Variants in ALOX5AP observed in about 807,000 individuals in gnomAD.
ALOX5AP encodes the protein arachidonate 5-lipoxygenase activating protein.
ALOX5AP carries 9 observed loss-of-function variants against 18.5 expected under a neutral mutation model. The ratio of observed to expected loss-of-function variants is 0.49; its 90% CI spans 0.29 to 0.85. The LOEUF is 0.85. Among genes scored for constraint, ALOX5AP ranks in the 40% least tolerant of loss-of-function variants. ALOX5AP has a pLI of 0.08. For missense variants in ALOX5AP, 172 were observed against 202.5 expected (o/e 0.85, Z 0.91); for synonymous variants, 81 against 78.6 (o/e 1.03, Z -0.16).
chr13:30,731,375 A>ATT (rs1181273858), upstream of ALOX5AP, among the ~76,000 whole-genome samples: 726 of 140,554 alleles, frequency 5.2e-3, 8 homozygotes, highest in African/African-American at 0.016. Context: ...CCTTGACCAC[A>ATT]TTTTTTTTTT....
chr13:30,741,551 C>A (rs1467904836), intron 1 of ALOX5AP, among the ~76,000 whole-genome samples: 1 of 2,654 alleles, frequency 3.8e-4, no homozygotes, highest in Non-Finnish European at 9.1e-4. Context: ...CCCCTCCCCA[C>A]CCCCACCCCC....
intron 2 of ALOX5AP, among the ~76,000 whole-genome samples, chr13:30,749,896 A>G (rs978471670): frequency 2.6e-5 from 4 of 152,160 alleles, no homozygotes; most frequent in Non-Finnish European, 4.4e-5. Context: ...GCACAGATGA[A>G]GGGCTGGCCA....
chr13:30,749,990 C>A (rs1951839026), intron 2 of ALOX5AP, among the ~76,000 whole-genome samples: 1 of 152,068 alleles, frequency 6.6e-6, no homozygotes, highest in South Asian at 2.1e-4. Flanking sequence ...TTTGTTTTTA[C>A]CTATATAATC....
At chr13:30,733,054 G>T (rs1458340431), upstream of ALOX5AP, among the ~76,000 whole-genome samples, 3 of 151,782 alleles carry the variant, frequency 2.0e-5, no homozygotes, top group African/African-American at 7.3e-5. Context: ...AGCTACTGAG[G>T]AGGCTGAGAC....
upstream of ALOX5AP, chr13:30,735,366 C>A (rs1951711741): frequency 6.4e-6 from 5 of 780,272 alleles, no homozygotes; most frequent in Admixed American, 3.1e-5. Flanking sequence ...TTTGCGTGCT[C>A]CTCTGCCAAG....
intron 1 of ALOX5AP, among the ~76,000 whole-genome samples, chr13:30,723,276 G>A (rs1214210326): frequency 1.3e-5 from 2 of 152,218 alleles, no homozygotes; most frequent in African/African-American, 4.8e-5. Flanking sequence ...GATGATTTTT[G>A]TGAGGGACAT....
At chr13:30,763,379 C>A (rs180762619) in intron 4 of ALOX5AP, among the ~76,000 whole-genome samples, 210 of 152,338 alleles carry the variant, frequency 1.4e-3, no homozygotes, top group African/African-American at 4.9e-3. Flanking sequence ...AATGCAAGGG[C>A]CTGTCTCCCA....
intron 2 of ALOX5AP, among the ~76,000 whole-genome samples, chr13:30,749,010 C>T: frequency 6.6e-6 from 1 of 152,230 alleles, no homozygotes; most frequent in East Asian, 1.9e-4. Context: ...AGAAGCTGCA[C>T]TTGAAGTCCT....
chr13:30,753,689 C>A (rs1354383799), intron 3 of ALOX5AP, among the ~76,000 whole-genome samples: 1 of 152,184 alleles, frequency 6.6e-6, no homozygotes, highest in Non-Finnish European at 1.5e-5. Context: ...CTTGAACGAA[C>A]ATCAGAATTT....
At chr13:30,728,197 G>A (rs1271539305) in intron 1 of ALOX5AP, among the ~76,000 whole-genome samples, 1 of 152,202 alleles carries the variant, frequency 6.6e-6, no homozygotes, top group East Asian at 1.9e-4. Context: ...GCCAGCCAAG[G>A]ATTATAACCA....
At chr13:30,723,405 G>T (rs895266400) in intron 1 of ALOX5AP, among the ~76,000 whole-genome samples, 1 of 152,100 alleles carries the variant, frequency 6.6e-6, no homozygotes, top group African/African-American at 2.4e-5. Context: ...ATAGATATCT[G>T]GTCACCTTAC....
intron 1 of ALOX5AP, among the ~76,000 whole-genome samples, chr13:30,721,467 T>C (rs993187135): frequency 6.6e-6 from 1 of 152,146 alleles, no homozygotes; most frequent in Non-Finnish European, 1.5e-5. Flanking sequence ...TTGACTCCTC[T>C]TCCTTACCCC....
chr13:30,714,544 A>G (rs1448525073), intron 1 of ALOX5AP, among the ~76,000 whole-genome samples: 2 of 117,082 alleles, frequency 1.7e-5, no homozygotes, highest in Admixed American at 2.2e-4. Context: ...CCTGCCCAGG[A>G]GAGGTGGCCG....
intron 1 of ALOX5AP, among the ~76,000 whole-genome samples, chr13:30,715,681 C>T (rs567240286): frequency 5.2e-4 from 79 of 152,296 alleles, no homozygotes; most frequent in African/African-American, 1.7e-3. Flanking sequence ...CGTGTTGGGG[C>T]GGTCTTTCCC....
At chr13:30,718,376 GATATGCATATAT>G (rs1217513017) in intron 1 of ALOX5AP, among the ~76,000 whole-genome samples, 2 of 52,376 alleles carry the variant, frequency 3.8e-5, no homozygotes, top group African/African-American at 1.6e-4. Flanking sequence ...ACCTATCACA[GATATGCATATAT>G]ATATATATAT....
intron 1 of ALOX5AP, among the ~76,000 whole-genome samples, chr13:30,736,138 T>C (rs1290804528): frequency 6.6e-6 from 1 of 152,216 alleles, no homozygotes; most frequent in East Asian, 1.9e-4. Flanking sequence ...GGGAGGTGCG[T>C]AGAAAAAATC....
At chr13:30,760,388 C>T (rs956064653) in intron 4 of ALOX5AP, among the ~76,000 whole-genome samples, 4 of 152,136 alleles carry the variant, frequency 2.6e-5, no homozygotes, top group East Asian at 1.9e-4. Context: ...GAGCCACCCA[C>T]GATGCCTGGG....
At chr13:30,738,515 G>C (rs1357075637) in intron 1 of ALOX5AP, among the ~76,000 whole-genome samples, 1 of 152,190 alleles carries the variant, frequency 6.6e-6, no homozygotes, top group East Asian at 1.9e-4. Context: ...GCTCAAATCT[G>C]TCTCCCCAGT....
intron 2 of ALOX5AP, among the ~76,000 whole-genome samples, chr13:30,750,235 T>C (rs1360196903): frequency 6.6e-6 from 1 of 152,166 alleles, no homozygotes; most frequent in African/African-American, 2.4e-5. Flanking sequence ...GACCTCAGAA[T>C]TATAATCAGT....
Sources: allele counts gnomAD v4.1 joint callset (sites outside exome capture counted in the v4.1 genomes callset), GRCh38; gene constraint gnomAD v4.1.1; transcripts MANE v1.5; gene names NCBI Gene and HGNC (gene_info 2026-07-23, HGNC 2026-07-21).